Variants in DAAM1 observed in about 807,000 individuals in gnomAD.
DAAM1 encodes the protein dishevelled associated activator of morphogenesis 1.
A neutral mutation model predicts 130.0 loss-of-function variants in DAAM1; 52 were observed. That is an observed-to-expected ratio of 0.40 (90% confidence interval 0.32 to 0.50). The LOEUF is 0.50. Ranked by LOEUF, DAAM1 falls within the 20% of genes least tolerant of loss-of-function variation. The pLI is 0.61. For missense variants in DAAM1, 1,134 were observed against 1,303.8 expected (o/e 0.87, Z 2.01); for synonymous variants, 452 against 444.5 (o/e 1.02, Z -0.21).
At chr14:59,275,994 A>C (rs1882949449) in intron 2 of DAAM1, among the ~76,000 whole-genome samples, 1 of 152,222 alleles carries the variant, frequency 6.6e-6, no homozygotes, top group Non-Finnish European at 1.5e-5. Flanking sequence ...TTTAGGGCTT[A>C]AAGCTCTCTC....
At chr14:59,354,285 C>T (rs1042722025) in intron 19 of DAAM1, among the ~76,000 whole-genome samples, 27 of 152,208 alleles carry the variant, frequency 1.8e-4, no homozygotes, top group Non-Finnish European at 3.7e-4. Flanking sequence ...TGGTCTCAAT[C>T]TCCTGACCTC....
intron 1 of DAAM1, among the ~76,000 whole-genome samples, chr14:59,257,378 TA>T (rs33912254): frequency 0.069 from 9,989 of 145,486 alleles, 402 homozygotes; most frequent in Non-Finnish European, 0.096. Context: ...AAATGGACAT[TA>T]AAAAAAAAAA....
At chr14:59,207,308 C>T (rs1357128866) in intron 1 of DAAM1, among the ~76,000 whole-genome samples, 1 of 152,162 alleles carries the variant, frequency 6.6e-6, no homozygotes, top group Non-Finnish European at 1.5e-5. Flanking sequence ...TTGCTATGGA[C>T]AAGAGGCATT....
At chr14:59,255,038 A>G (rs1357896869) in intron 1 of DAAM1, among the ~76,000 whole-genome samples, 1 of 152,214 alleles carries the variant, frequency 6.6e-6, no homozygotes, top group Non-Finnish European at 1.5e-5. Context: ...ATGCTGAGGC[A>G]GAGAGAGCAG....
At chr14:59,211,200 G>T (rs1026770598) in intron 1 of DAAM1, among the ~76,000 whole-genome samples, 10 of 152,146 alleles carry the variant, frequency 6.6e-5, no homozygotes, top group African/African-American at 2.4e-4. Context: ...TAAAATTTTA[G>T]ATGATTGTAA....
chr14:59,329,335 G>A (rs1885331516), intron 12 of DAAM1, among the ~76,000 whole-genome samples: 5 of 152,158 alleles, frequency 3.3e-5, no homozygotes, highest in Admixed American at 3.3e-4. Flanking sequence ...AGGAAAATGG[G>A]ATATAGAGAG....
At chr14:59,313,736 A>T (rs1884680962) in intron 3 of DAAM1, among the ~76,000 whole-genome samples, 1 of 152,220 alleles carries the variant, frequency 6.6e-6, no homozygotes, top group African/African-American at 2.4e-5. Context: ...TTTTAAGAGG[A>T]AAGAAGGGTT....
At chr14:59,337,143 C>G (rs1885658055) in intron 15 of DAAM1, among the ~76,000 whole-genome samples, 2 of 152,176 alleles carry the variant, frequency 1.3e-5, no homozygotes, top group Admixed American at 6.5e-5. Flanking sequence ...TAGCAACTCT[C>G]TCTTTAAGAG....
Position 59,324,195 on chromosome 14 carries a change from T to C in DAAM1, c.842T>C (p.Ile281Thr). The change falls in exon 7 of 25, where the codon ATC becomes ACC. Residue 281 changes from isoleucine (I) to threonine (T), a missense_variant. Coordinates refer to ENST00000360909, the MANE Select transcript of DAAM1 (RefSeq NM_001270520.2). ...GATGAAGTGAGTCTCAAGACTGCCA[T>C]CATGTCCTTCATTAATGCAGTGCTC... ...YRDEVSLKTA[I>T]MSFINAVLSQ... is the part of the protein sequence containing the mutation. 6.8e-7 allele frequency: 1 copy of C among 1,464,062 alleles called. No homozygotes were observed. Among genetic ancestry groups the C allele is most frequent in the African/African-American group, 1.4e-5 (1 of 70,224 alleles). The allele number at this position is 1,464,062 out of a possible 1,614,324, so 90.7% of individuals were successfully genotyped here.
At chr14:59,192,149 G>GGTGT (rs55791691) in intron 1 of DAAM1, among the ~76,000 whole-genome samples, 9,990 of 138,490 alleles carry the variant, frequency 0.072, 349 homozygotes, top group East Asian at 0.11. Context: ...CTTGTTAAGG[G>GGTGT]GTGTGTGTGT....
chr14:59,356,258 G>A (rs1886476605), intron 20 of DAAM1, among the ~76,000 whole-genome samples: 1 of 152,140 alleles, frequency 6.6e-6, no homozygotes, highest in South Asian at 2.1e-4. Flanking sequence ...TTTCTATAGG[G>A]TTCGTGAAGC....
rs748150007 is a variant in DAAM1 at position 59,227,396 on chromosome 14, G to C, written c.-37-36045G>C. Among the ~76,000 whole-genome samples the C allele has an allele frequency of 1.3e-5, 2 of 152,126 alleles. 1 individual carries two copies. The highest frequency in any genetic ancestry group is 4.1e-4 in the South Asian group (2 of 4,828). ...GTAGGTCACCTTCTTGTTATCTTACGTAGTTTCACTGAGACGGCCATGAGA... is the reference window on the plus strand; with the variant it reads ...GTAGGTCACCTTCTTGTTATCTTACCTAGTTTCACTGAGACGGCCATGAGA... On this transcript the variant is annotated intron_variant, in intron 1 of 24. Coordinates refer to ENST00000360909, the MANE Select transcript of DAAM1 (RefSeq NM_001270520.2).
At chr14:59,289,766 TGATATA>T (rs1359908358) in intron 2 of DAAM1, among the ~76,000 whole-genome samples, 1 of 6,228 alleles carries the variant, frequency 1.6e-4, no homozygotes, top group South Asian at 0.016. Context: ...CAACAAAATG[TGATATA>T]TATATATATA....
At chr14:59,206,877 A>G (rs759438919) in intron 1 of DAAM1, among the ~76,000 whole-genome samples, 1 of 152,222 alleles carries the variant, frequency 6.6e-6, no homozygotes, top group Admixed American at 6.5e-5. Context: ...AAACTTATTT[A>G]TCATAGCTTG....
intron 18 of DAAM1, among the ~76,000 whole-genome samples, 195 bp downstream of exon 18, chr14:59,352,827 C>T (rs1003888685): frequency 7.2e-5 from 11 of 152,190 alleles, no homozygotes; most frequent in African/African-American, 1.7e-4. Flanking sequence ...GGATGAGCCA[C>T]GGTGAGGGTT....
intron 1 of DAAM1, among the ~76,000 whole-genome samples, 196 bp downstream of exon 1, chr14:59,188,964 G>A (rs1219742416): frequency 6.6e-6 from 1 of 152,194 alleles, no homozygotes; most frequent in South Asian, 2.1e-4. Context: ...GAACGGGACC[G>A]AGACAGCTCT....
At chr14:59,303,069 T>A (rs1354777472) in intron 3 of DAAM1, among the ~76,000 whole-genome samples, 3 of 152,232 alleles carry the variant, frequency 2.0e-5, no homozygotes, top group Non-Finnish European at 2.9e-5. Context: ...CCTCCGTGGT[T>A]GTCACAGAAT....
chr14:59,367,287 AAAAG>A (rs1445030614), intron 23 of DAAM1, 138 bp from the exon 24 acceptor site: 13 of 1,372,270 alleles, frequency 9.5e-6, no homozygotes, highest in South Asian at 3.4e-5. Flanking sequence ...CTCCATCTCC[AAAAG>A]AAAGAAAGAA....
intron 1 of DAAM1, among the ~76,000 whole-genome samples, chr14:59,216,510 C>T (rs955227950): frequency 3.3e-5 from 5 of 152,164 alleles, no homozygotes; most frequent in African/African-American, 1.2e-4. Flanking sequence ...CACTGGAAGT[C>T]AGGAGTTCGA....
Sources: allele counts gnomAD v4.1 joint callset (sites outside exome capture counted in the v4.1 genomes callset), GRCh38; gene constraint gnomAD v4.1.1; transcripts MANE v1.5; gene names NCBI Gene and HGNC (gene_info 2026-07-23, HGNC 2026-07-21).